The following AASDH variants were observed in gnomAD, a reference collection of about 807,000 sequenced individuals.
AASDH encodes the protein aminoadipate-semialdehyde dehydrogenase, also known as beta-alanine-activating enzyme.
Under a neutral mutation model 102.3 loss-of-function variants are expected in AASDH, and 81 were observed. The observed-to-expected ratio is 0.79, with a 90% CI of 0.66 to 0.95. The LOEUF (loss-of-function observed/expected upper bound fraction) is 0.95. AASDH is among the 40% of genes least tolerant of loss of function. The pLI, the probability that AASDH is intolerant of heterozygous loss-of-function variation, is 0.00. For missense variants in AASDH, 1,203 were observed against 1,266.2 expected, an observed-to-expected ratio of 0.95 and a Z score of 0.76; for synonymous variants, 398 against 454.0, an observed-to-expected ratio of 0.88 and a Z score of 1.57.
intron 1 of AASDH, 147 bp from the exon 2 acceptor site, chr4:56,384,488 G>A: frequency 5.3e-6 from 3 of 564,080 alleles, no homozygotes; most frequent in Non-Finnish European, 9.4e-6. Context: ...ATGAAATTAT[G>A]GTAACTTTAC....
chr4:56,350,970 A>G (rs1748930069), intron 10 of AASDH, among the ~76,000 whole-genome samples: 1 of 152,232 alleles, frequency 6.6e-6, no homozygotes, highest in Admixed American at 6.5e-5. Context: ...TAATGATGTA[A>G]GCCCTAAGTA....
chr4:56,386,818 A>G, intron 1 of AASDH, among the ~76,000 whole-genome samples: 1 of 149,062 alleles, frequency 6.7e-6, no homozygotes, highest in Non-Finnish European at 1.5e-5. Context: ...AAAAAAAAAA[A>G]AAAAGGAAAA....
Position 56,349,262 on chromosome 4 carries a change from C to G in AASDH, c.2488+1G>C. ...CACAAACCTCAAATTCAAAAACTTA[C>G]CCACCACAATAAAGTTTCCACACTT... is the stretch of plus-strand genomic sequence containing the variant. On this transcript the variant is annotated splice_donor_variant, in intron 11 of 14. Coordinates refer to ENST00000205214, the MANE Select transcript of AASDH (RefSeq NM_181806.4). LOFTEE classifies it high-confidence loss of function. The G allele has an allele frequency of 6.2e-7, 1 of 1,613,434 alleles. No homozygotes were observed. The highest frequency in any genetic ancestry group is 2.2e-5 in the East Asian group (1 of 44,872).
At chr4:56,353,742 T>C (rs1234280076) in intron 8 of AASDH, 146 bp from the exon 9 acceptor site, 2 of 737,118 alleles carry the variant, frequency 2.7e-6, no homozygotes, top group African/African-American at 3.6e-5. Context: ...TTTGCTACTG[T>C]TACTATTACT....
intron 11 of AASDH, among the ~76,000 whole-genome samples, chr4:56,345,629 T>C (rs1748243723): frequency 6.6e-6 from 1 of 152,216 alleles, no homozygotes; most frequent in East Asian, 1.9e-4. Flanking sequence ...ATCACGACTG[T>C]CACTGGGCAT....
chr4:56,347,230 C>A (rs939192295), intron 11 of AASDH, among the ~76,000 whole-genome samples: 1 of 152,132 alleles, frequency 6.6e-6, no homozygotes, highest in Non-Finnish European at 1.5e-5. Flanking sequence ...ATGCAAAACA[C>A]TTTATCACTT....
intron 5 of AASDH, among the ~76,000 whole-genome samples, chr4:56,359,256 G>T (rs1264269893): frequency 6.6e-6 from 1 of 151,812 alleles, no homozygotes; most frequent in African/African-American, 2.4e-5. Context: ...TATTTTTTGT[G>T]AGACAGAGTT....
At chr4:56,355,495 T>C (rs1307357424) in intron 5 of AASDH, 72 bp from the exon 6 acceptor site, 1 of 1,412,780 alleles carries the variant, frequency 7.1e-7, no homozygotes, top group Non-Finnish European at 9.5e-7. Context: ...GTAGTTATTA[T>C]TTCAAAGTTA....
At chr4:56,353,682 A>T (rs767681949) in intron 8 of AASDH, 86 bp from the exon 9 acceptor site, 77 of 1,241,276 alleles carry the variant, frequency 6.2e-5, no homozygotes, top group Non-Finnish European at 8.1e-5. Context: ...TCTGAAATCA[A>T]AACAGCTGAA....
At chr4:56,347,854 T>C (rs1348017300) in intron 11 of AASDH, among the ~76,000 whole-genome samples, 1 of 152,098 alleles carries the variant, frequency 6.6e-6, no homozygotes, top group African/African-American at 2.4e-5. Flanking sequence ...TTCTAGTGTT[T>C]TAAAATATGT....
Position 56,378,301 on chromosome 4 carries a change from G to A in AASDH, c.515C>T (p.Ser172Phe). 6.2e-7 allele frequency: 1 copy of A among 1,614,124 alleles called. No homozygotes were observed. Among genetic ancestry groups the A allele is most frequent in the Non-Finnish European group, 8.5e-7 (1 of 1,180,030 alleles). Residue 172 changes from serine to phenylalanine, a missense_variant, in exon 4 of 15, where the codon TCT becomes TTT. Transcript: ENST00000205214. ...YEKEKIKSIS[S>F]EHVNEEKAEE... ...TGCTTTTTCTTCATTGACATGCTCAGAACTTATGCTTTTTATTTTTTCTTT... is the reference window on the plus strand; with the variant it reads ...TGCTTTTTCTTCATTGACATGCTCAAAACTTATGCTTTTTATTTTTTCTTT...
chr4:56,345,465 T>A (rs556925735), intron 11 of AASDH, among the ~76,000 whole-genome samples, 175 bp from the exon 12 acceptor site: 13 of 152,394 alleles, frequency 8.5e-5, no homozygotes, highest in African/African-American at 3.1e-4. Flanking sequence ...TAATCACTTA[T>A]GTAAAATATC....
chr4:56,344,561 CATTT>C (rs958888081), intron 12 of AASDH, among the ~76,000 whole-genome samples: 23 of 152,018 alleles, frequency 1.5e-4, no homozygotes, highest in South Asian at 2.1e-4. Flanking sequence ...ACTTTTTTTA[CATTT>C]ATTTCAAAAA....
At chr4:56,383,179 C>T (rs575147127) in intron 2 of AASDH, among the ~76,000 whole-genome samples, 14 of 152,040 alleles carry the variant, frequency 9.2e-5, no homozygotes, top group Non-Finnish European at 1.6e-4. Flanking sequence ...TAAAGTTAAG[C>T]ATTTTAAGTA....
intron 5 of AASDH, among the ~76,000 whole-genome samples, chr4:56,363,892 G>GA (rs1750656317): frequency 6.6e-6 from 1 of 152,172 alleles, no homozygotes; most frequent in Non-Finnish European, 1.5e-5. Flanking sequence ...GACAAGTTGA[G>GA]AGAAGAAGGC....
At chr4:56,363,010 G>A (rs953820222) in intron 5 of AASDH, among the ~76,000 whole-genome samples, 4 of 152,198 alleles carry the variant, frequency 2.6e-5, no homozygotes, top group African/African-American at 9.7e-5. Flanking sequence ...CTGGAAAATC[G>A]GGTCACTCCC....
intron 10 of AASDH, 65 bp from the exon 11 acceptor site, chr4:56,350,123 A>C: frequency 7.7e-7 from 1 of 1,293,976 alleles, no homozygotes. Context: ...TTCAACATTT[A>C]CAGGTAATAT....
intron 9 of AASDH, 49 bp downstream of exon 9, chr4:56,353,355 C>T (rs1190463750): frequency 1.4e-6 from 2 of 1,404,292 alleles, no homozygotes; most frequent in Non-Finnish European, 1.9e-6. Context: ...GTTATGAATA[C>T]AATTAGTATT....
In AASDH at chr4:56,349,996, A is replaced by G; in HGVS notation, c.1755T>C (p.Ser585=). 1.2e-6 allele frequency: 2 copies of G among 1,611,322 alleles called. No homozygotes were observed. The highest frequency in any genetic ancestry group is 1.7e-6 in the Non-Finnish European group (2 of 1,179,890). Residue 585 remains serine (S), a synonymous_variant, in exon 11 of 15, where the codon AGT becomes AGC. Transcript: ENST00000205214. ...RVPDESLFLN[S]GGDSLKSIRL... ...GGATGGACTTTAAGGAATCTCCACC[A>G]CTATTTAAGAAGAGTGACTCATCAG...
Sources: allele counts gnomAD v4.1 joint callset (sites outside exome capture counted in the v4.1 genomes callset), GRCh38; gene constraint gnomAD v4.1.1; transcripts MANE v1.5; gene names NCBI Gene and HGNC (gene_info 2026-07-23, HGNC 2026-07-21).